DPP9: variants seen among roughly 807,000 people sequenced by gnomAD.
The protein encoded by DPP9 is dipeptidyl peptidase 9.
DPP9 carries 50 observed loss-of-function variants against 110.7 expected under a neutral mutation model. That is an observed-to-expected ratio of 0.45 (90% CI 0.36 to 0.57). DPP9 has a LOEUF of 0.57. Ranked by LOEUF, DPP9 falls within the 20% of genes least tolerant of loss-of-function variation. The pLI, the probability that DPP9 is intolerant of heterozygous loss-of-function variation, is 0.00. For missense variants in DPP9, 1,022 were observed against 1,217.9 expected (o/e 0.84, Z 2.39); for synonymous variants, 561 against 514.4 (o/e 1.09, Z -1.23).
At position 4,685,823 on chromosome 19, in the gene DPP9, G is replaced by A; in HGVS notation, c.1886-52C>T. The A allele has an allele frequency of 6.3e-7, 1 of 1,594,508 alleles. No individual in the cohort carries two copies. The stretch of plus-strand genomic sequence containing the variant: ...CTGCCCGGGGAAGCCACATCCAGCT[G>A]ACACCCTTGTTCTCCTGCCCACCCC... On this transcript the variant is annotated intron_variant, in intron 16 of 21. Transcript: ENST00000262960. This position sits in a 1 kb window ranked among gnomAD's most constrained non-coding sequence, Gnocchi z 5.8.
In DPP9 at chr19:4,693,373, G is replaced by A. The variant is rs961715387; in HGVS notation, c.1516+1288C>T. Among the ~76,000 whole-genome samples, 1 of 152,058 alleles carries A rather than the reference G, an allele frequency of 6.6e-6. No individual in the cohort carries two copies. The highest frequency in any genetic ancestry group is 1.5e-5 in the Non-Finnish European group (1 of 67,998). On this transcript the variant is annotated intron_variant, in intron 13 of 21. Transcript: ENST00000262960. This position sits in a 1 kb window ranked among gnomAD's most constrained non-coding sequence, Gnocchi z 5.0. ...CACCTGCAATCCCACCAGGAGTCTC[G>A]GTTCCCTGAGCTCCAGGCACGGGAA...
rs527726863 is a variant in DPP9 at position 4,682,830 on chromosome 19, G to A, written c.2340C>T (p.Ile780=). 2.1e-5 allele frequency: 34 copies of A among 1,584,406 alleles called. No homozygotes were observed. The South Asian group carries it at 3.1e-4, about 14-fold the overall frequency. Residue 780 remains isoleucine (I), a synonymous_variant, in exon 20 of 22, where the codon ATC becomes ATT. Transcript: ENST00000262960. This position sits in a 1 kb window ranked among gnomAD's most constrained non-coding sequence, Gnocchi z 7.1. ...IHKPQVFKVA[I]AGAPVTVWMA... The stretch of plus-strand genomic sequence containing the variant: ...TCCAGACGGTGACCGGGGCACCCGC[G>A]ATGGCCACCTGAGGGACACAGCAGA...
At chr19:4,696,941 T>C (rs2091852980) in intron 11 of DPP9, among the ~76,000 whole-genome samples, 1 of 151,842 alleles carries the variant, frequency 6.6e-6, no homozygotes, top group African/African-American at 2.4e-5. Flanking sequence ...CTATAAAAAA[T>C]ACAAAACATT....
At position 4,682,796 on chromosome 19, in the gene DPP9, C is replaced by T. The variant is rs770446497; in HGVS notation, c.2374G>A (p.Asp792Asn). The change falls in exon 20 of 22, where the codon GAC (aspartate) becomes AAC (asparagine). Residue 792 changes from aspartate (D) to asparagine (N), a missense_variant. Physicochemically the swap from Asp to Asn is conservative, Grantham distance 23. This residue lies in a region of DPP9 where 209 missense variants were observed against 280.4 expected (regional missense o/e 0.75). Transcript: ENST00000262960. The surrounding 1 kb of genome is among the most constrained non-coding windows in gnomAD (Gnocchi z 7.1). ...ATGTAGCGCTCAGTGTACCCTGTGT[C>T]GTAGGCCATCCAGACGGTGACCGGG... is the stretch of plus-strand genomic sequence containing the variant. ...GAPVTVWMAY[D>N]TGYTERYMDV... is the part of the protein sequence containing the mutation. 1.9e-6 allele frequency: 3 copies of T among 1,597,568 alleles called. No individual in the cohort carries two copies. The highest frequency in any genetic ancestry group is 2.6e-6 in the Non-Finnish European group (3 of 1,172,558).
chr19:4,722,377 G>C (rs2093360885), intron 2 of DPP9, 122 bp downstream of exon 2: 1 of 611,066 alleles, frequency 1.6e-6, no homozygotes, highest in African/African-American at 1.9e-5. Context: ...GCCCTGCGGA[G>C]GACAACCATC....
In DPP9 at chr19:4,698,125, T is replaced by G. The variant is rs114207932; in HGVS notation, c.1075-474A>C. 0.022 allele frequency among the ~76,000 whole-genome samples: 3,377 copies of G among 152,250 alleles called. 114 individuals are homozygous for G. Among genetic ancestry groups the G allele is most frequent in the African/African-American group, 0.077 (3,203 of 41,538 alleles). On this transcript the variant is annotated intron_variant, in intron 10 of 21. Transcript: ENST00000262960. The surrounding 1 kb of genome is among the most constrained non-coding windows in gnomAD (Gnocchi z 4.2). ...AAGCCAACGGCGGCACCCCAGCAGGTGCCTGGACCCAAAGGCTCTGGTCTG... is the reference window on the plus strand; with the variant it reads ...AAGCCAACGGCGGCACCCCAGCAGGGGCCTGGACCCAAAGGCTCTGGTCTG...
chr19:4,693,527 G>A lies in DPP9; in HGVS notation c.1516+1134C>T, dbSNP rs1486323955. Among the ~76,000 whole-genome samples the A allele has an allele frequency of 2.6e-5, 4 of 152,082 alleles. No individual in the cohort carries two copies. The highest frequency in any genetic ancestry group is 2.1e-4 in the South Asian group (1 of 4,832). The stretch of plus-strand genomic sequence containing the variant: ...TTAGACTGGACCTGCGGAGCCCTCC[G>A]GGCATCCATGCCGCCTCCCTCCTCT... On this transcript the variant is annotated intron_variant, in intron 13 of 21. Coordinates refer to ENST00000262960, the MANE Select transcript of DPP9 (RefSeq NM_139159.5). The surrounding 1 kb of genome is among the most constrained non-coding windows in gnomAD (Gnocchi z 5.0).
rs149575872 is a variant in DPP9 at position 4,712,171 on chromosome 19, G to A, written c.313+1910C>T. On this transcript the variant is annotated intron_variant, in intron 4 of 21. Transcript: ENST00000262960. ...AGCCGTGGTCTGTACACTTGTAGTC[G>A]TAACAGCCAAGCTCTCTCAGGTAAC... Among the ~76,000 whole-genome samples the A allele has an allele frequency of 5.9e-3, 903 of 152,300 alleles. 3 individuals are homozygous for A. Among genetic ancestry groups the A allele is most frequent in the Non-Finnish European group, 7.7e-3 (524 of 68,026 alleles).
chr19:4,683,520 A>G lies in DPP9; in HGVS notation c.2288T>C (p.Phe763Ser). 1 of 1,613,232 alleles carries G rather than the reference A, an allele frequency of 6.2e-7. No homozygotes were observed. The highest frequency in any genetic ancestry group is 8.5e-7 in the Non-Finnish European group (1 of 1,179,842). The change falls in exon 19 of 22, where the codon TTC (phenylalanine) becomes TCC (serine). Residue 763 changes from phenylalanine to serine, a missense_variant. Around this residue, in one of 3 missense-constraint regions of DPP9, gnomAD observed 209 missense variants for 280.4 expected, o/e 0.75. Coordinates refer to ENST00000262960, the MANE Select transcript of DPP9 (RefSeq NM_139159.5). ...GTGGATTAGCCCCATGAGCGAGAGG[A>G]AGCCCCCGTAGGACCAGCCATGGAT... ...VAIHGWSYGG[F>S]LSLMGLIHKP...
chr19:4,709,043 G>A (rs763666423), intron 4 of DPP9, among the ~76,000 whole-genome samples: 2 of 152,070 alleles, frequency 1.3e-5, no homozygotes, highest in Non-Finnish European at 1.5e-5. Flanking sequence ...TCAGCCTCCC[G>A]AGTAGCTGGG....
At chr19:4,706,907 GC>G (rs1401587520) in intron 4 of DPP9, among the ~76,000 whole-genome samples, 1 of 152,184 alleles carries the variant, frequency 6.6e-6, no homozygotes, top group Admixed American at 6.5e-5. Context: ...CCGGGGTGGG[GC>G]TGTCCTGACC....
chr19:4,705,900 A>T lies in DPP9; in HGVS notation c.384T>A (p.Ala128=). Residue 128 remains alanine (A), a synonymous_variant, in exon 5 of 22, where the codon GCT becomes GCA. Transcript: ENST00000262960. Reference sequence around the variant, plus strand: ...TCTGCTTCCAGGACAGGAGCAGCAGAGCCTCTTTCCGGACCTTCTTGGGAA... The same window carrying T: ...TCTGCTTCCAGGACAGGAGCAGCAGTGCCTCTTTCCGGACCTTCTTGGGAA... ...SEIPKKVRKE[A]LLLLSWKQML... 6.2e-7 allele frequency: 1 copy of T among 1,613,994 alleles called. No homozygotes were observed. Among genetic ancestry groups the T allele is most frequent in the Non-Finnish European group, 8.5e-7 (1 of 1,179,870 alleles).
At chr19:4,686,067 A>C (rs1351199156) in intron 16 of DPP9, 1 of 249,320 alleles carries the variant, frequency 4.0e-6, no homozygotes, top group African/African-American at 2.2e-5. Flanking sequence ...TTTGCAAAGC[A>C]ACAGTTGTTG....
chr19:4,720,229 C>A (rs982712389), intron 2 of DPP9, among the ~76,000 whole-genome samples: 1 of 152,220 alleles, frequency 6.6e-6, no homozygotes, highest in Non-Finnish European at 1.5e-5. Flanking sequence ...CACACCAGGG[C>A]ACCTGCTGGA....
intron 3 of DPP9, chr19:4,715,748 G>A (rs2093045992): frequency 6.6e-6 from 1 of 152,182 alleles, no homozygotes; most frequent in Non-Finnish European, 1.5e-5. Context: ...GGAGGTGCAG[G>A]TGAAAGGGTG....
chr19:4,679,799 C>G (rs767189462), intron 21 of DPP9, 36 bp downstream of exon 21: 8 of 1,505,880 alleles, frequency 5.3e-6, no homozygotes, highest in Non-Finnish European at 7.3e-6. Flanking sequence ...GATCTGTCGG[C>G]TCGCGGAGGG....
Position 4,685,878 on chromosome 19 carries a change from C to T in DPP9, c.1886-107G>A, listed in dbSNP as rs2090628592. 1 of 1,329,976 alleles carries T rather than the reference C, an allele frequency of 7.5e-7. No individual in the cohort carries two copies. The highest frequency in any genetic ancestry group is 1.0e-6 in the Non-Finnish European group (1 of 982,204). 82.4% of individuals were successfully genotyped at this position (1,329,976 alleles called of 1,614,324 possible). ...CTTGGAGGGTGGACCAAAGCACCCCCTCTTTTCCTGGGCTTCCCGAGAGTT... is the reference window on the plus strand; with the variant it reads ...CTTGGAGGGTGGACCAAAGCACCCCTTCTTTTCCTGGGCTTCCCGAGAGTT... On this transcript the variant is annotated intron_variant, in intron 16 of 21. Coordinates refer to ENST00000262960, the MANE Select transcript of DPP9 (RefSeq NM_139159.5). This position sits in a 1 kb window ranked among gnomAD's most constrained non-coding sequence, Gnocchi z 5.8.
chr19:4,720,746 C>T (rs1453143608), intron 2 of DPP9, among the ~76,000 whole-genome samples: 4 of 152,294 alleles, frequency 2.6e-5, no homozygotes, highest in African/African-American at 7.2e-5. Flanking sequence ...CCCAGGATAA[C>T]CCACCTCAGA....
In DPP9 at chr19:4,722,556, A is replaced by G. The variant is rs1360091366; in HGVS notation, c.-88-5T>C. 3 of 702,944 alleles carry G rather than the reference A, an allele frequency of 4.3e-6. No individual in the cohort carries two copies. The highest frequency in any genetic ancestry group is 1.7e-5 in the African/African-American group (1 of 57,250). 43.5% of individuals were successfully genotyped at this position (702,944 alleles called of 1,614,324 possible). ...CTGCAGGCGTGGGACACAGACCTTTATAGGATAAACATGTCATGAATGTGG... is the reference window on the plus strand; with the variant it reads ...CTGCAGGCGTGGGACACAGACCTTTGTAGGATAAACATGTCATGAATGTGG... On this transcript the variant is annotated splice_polypyrimidine_tract_variant and splice_region_variant and intron_variant, in intron 1 of 21. Coordinates refer to ENST00000262960, the MANE Select transcript of DPP9 (RefSeq NM_139159.5).
Sources: allele counts gnomAD v4.1 joint callset (sites outside exome capture counted in the v4.1 genomes callset), GRCh38; gene constraint gnomAD v4.1.1; regional missense constraint gnomAD v4.1.1; non-coding constraint Gnocchi (gnomAD v3.1); transcripts MANE v1.5; gene names NCBI Gene and HGNC (gene_info 2026-07-23, HGNC 2026-07-21).